The following KPNA3 variants were observed in gnomAD, a reference collection of about 807,000 sequenced individuals.
KPNA3 encodes importin subunit alpha-4.
A neutral mutation model predicts 73.8 loss-of-function variants in KPNA3; 13 were observed. That is an observed-to-expected ratio of 0.18 (90% CI 0.11 to 0.28). The LOEUF (loss-of-function observed/expected upper bound fraction) is 0.28, where lower values mean the gene tolerates loss of function less well. KPNA3 is among the 10% of genes least tolerant of loss of function. The probability of loss-of-function intolerance (pLI) is 1.00; values close to 1 mark genes in which losing one functional copy is unlikely to be tolerated. For synonymous variants in KPNA3, 186 were observed against 206.9 expected (o/e 0.90, Z 0.87); for missense variants, 360 against 618.1 (o/e 0.58, Z 4.43).
chr13:49,780,512 G>GAC (rs1276900547), intron 1 of KPNA3, among the ~76,000 whole-genome samples: 1 of 151,958 alleles, frequency 6.6e-6, no homozygotes, highest in African/African-American at 2.4e-5. Flanking sequence ...CCCCATCTGA[G>GAC]ACCTTGAGGG....
At chr13:49,790,215 C>T (rs970920504) in intron 1 of KPNA3, among the ~76,000 whole-genome samples, 2 of 152,248 alleles carry the variant, frequency 1.3e-5, no homozygotes, top group South Asian at 4.1e-4. Context: ...ATCTGTAGTT[C>T]GAACACTTTG....
At chr13:49,702,639 G>A (rs964793456) in intron 15 of KPNA3, among the ~76,000 whole-genome samples, 159 bp from the exon 16 acceptor site, 1 of 152,070 alleles carries the variant, frequency 6.6e-6, no homozygotes, top group Non-Finnish European at 1.5e-5. Flanking sequence ...AAAACACGGG[G>A]CTGCTTCTAG....
chr13:49,712,656 T>A (rs1174591092), intron 10 of KPNA3, among the ~76,000 whole-genome samples: 1 of 151,694 alleles, frequency 6.6e-6, no homozygotes, highest in Admixed American at 6.6e-5. Context: ...AAGTCTAGAA[T>A]CAGATTAAAA....
At chr13:49,764,975 CTTCA>C (rs1037934763) in intron 1 of KPNA3, among the ~76,000 whole-genome samples, 1 of 152,178 alleles carries the variant, frequency 6.6e-6, no homozygotes, top group Non-Finnish European at 1.5e-5. Flanking sequence ...CGGGAGAACA[CTTCA>C]TTCATTCTCA....
intron 1 of KPNA3, among the ~76,000 whole-genome samples, chr13:49,777,963 C>A (rs771787563): frequency 6.6e-6 from 1 of 152,138 alleles, no homozygotes; most frequent in Non-Finnish European, 1.5e-5. Flanking sequence ...CATTAACCCA[C>A]ATCAACCTGC....
At chr13:49,732,333 C>G in intron 6 of KPNA3, 38 bp downstream of exon 6, 2 of 1,071,180 alleles carry the variant, frequency 1.9e-6, no homozygotes, top group South Asian at 3.1e-5. Flanking sequence ...TTTAAGTTAA[C>G]TGAAAAAAAC....
intron 6 of KPNA3, among the ~76,000 whole-genome samples, chr13:49,730,909 TG>T (rs1382212146): frequency 5.9e-5 from 9 of 151,638 alleles, no homozygotes; most frequent in Admixed American, 1.3e-4. Flanking sequence ...CCCAAGTAGC[TG>T]GGACTACATG....
At chr13:49,773,682 G>A (rs1488573710) in intron 1 of KPNA3, among the ~76,000 whole-genome samples, 1 of 152,176 alleles carries the variant, frequency 6.6e-6, no homozygotes, top group Non-Finnish European at 1.5e-5. Context: ...TTAGGACTAA[G>A]TGGTGAGCAG....
intron 2 of KPNA3, among the ~76,000 whole-genome samples, chr13:49,742,254 T>C (rs1306036737): frequency 6.6e-6 from 1 of 152,230 alleles, no homozygotes; most frequent in Non-Finnish European, 1.5e-5. Context: ...AGAGCATATC[T>C]TTTCAAATAT....
At chr13:49,738,601 T>G (rs1566345806) in intron 2 of KPNA3, among the ~76,000 whole-genome samples, 1 of 152,230 alleles carries the variant, frequency 6.6e-6, no homozygotes, top group Non-Finnish European at 1.5e-5. Flanking sequence ...GTATTTTATT[T>G]TCTTTGAATT....
intron 1 of KPNA3, among the ~76,000 whole-genome samples, chr13:49,789,891 C>T (rs948653428): frequency 6.6e-6 from 1 of 152,160 alleles, no homozygotes; most frequent in Non-Finnish European, 1.5e-5. Flanking sequence ...CAGCTCACTC[C>T]CATTCATCCA....
intron 1 of KPNA3, among the ~76,000 whole-genome samples, chr13:49,747,401 T>C (rs570035048): frequency 1.0e-3 from 153 of 150,352 alleles, no homozygotes; most frequent in Middle Eastern, 3.7e-3. Flanking sequence ...TAGAAGTCAT[T>C]TAATATTGGC....
intron 1 of KPNA3, among the ~76,000 whole-genome samples, chr13:49,754,603 T>C (rs1288097174): frequency 2.0e-5 from 2 of 99,920 alleles, no homozygotes; most frequent in Admixed American, 2.5e-4. Context: ...AGAAAATTAA[T>C]GAAAAGCTAG....
chr13:49,759,983 T>C (rs1363144684), intron 1 of KPNA3, among the ~76,000 whole-genome samples: 1 of 152,202 alleles, frequency 6.6e-6, no homozygotes, highest in Non-Finnish European at 1.5e-5. Context: ...ACTACGTGCC[T>C]TTCTGATGGA....
At chr13:49,779,560 T>G (rs559811884) in intron 1 of KPNA3, among the ~76,000 whole-genome samples, 1 of 152,326 alleles carries the variant, frequency 6.6e-6, no homozygotes, top group African/African-American at 2.4e-5. Context: ...CTCAGTCGTT[T>G]GTTCCTTTTC....
intron 1 of KPNA3, among the ~76,000 whole-genome samples, chr13:49,765,434 C>T (rs893572129): frequency 1.3e-5 from 2 of 152,088 alleles, no homozygotes; most frequent in Non-Finnish European, 2.9e-5. Context: ...CAACAATTCA[C>T]CTAAAGTATA....
In KPNA3 at chr13:49,792,593, G is replaced by C; in HGVS notation, c.-87C>G. The C allele has an allele frequency of 2.9e-6, 1 of 349,018 alleles. No homozygotes were observed. The highest frequency in any genetic ancestry group is 5.0e-6 in the Non-Finnish European group (1 of 200,388). The allele number at this position is 349,018 out of a possible 1,614,324, so 21.6% of individuals were successfully genotyped here. ...TGGAGCGGGAGGGGGAGGAGGGGGA[G>C]AGCGGGAGGGGGGAGGGGAGAGAAG... On this transcript the variant is annotated 5_prime_UTR_variant, in exon 1 of 17. Coordinates refer to ENST00000261667, the MANE Select transcript of KPNA3 (RefSeq NM_002267.4).
intron 1 of KPNA3, among the ~76,000 whole-genome samples, chr13:49,775,162 CAAAAAAAAAA>C (rs60494803): frequency 3.2e-5 from 3 of 93,062 alleles, no homozygotes; most frequent in East Asian, 6.9e-4. Flanking sequence ...GACTCTGTCT[CAAAAAAAAAA>C]AAAAAAAAAA....
chr13:49,722,533 C>A lies in KPNA3; in HGVS notation c.500G>T (p.Arg167Leu), dbSNP rs1471595203. 1 of 1,609,528 alleles carries A rather than the reference C, an allele frequency of 6.2e-7. No individual in the cohort carries two copies. Among genetic ancestry groups the A allele is most frequent in the African/African-American group, 1.3e-5 (1 of 74,714 alleles). ...TTCACAAACATTCTGATGTGGTGAA[C>A]GAAGAAGTCTCAGAAAAAGAGGTAC... ...NAVPLFLRLL[R>L]SPHQNVCEQA... Residue 167 changes from arginine (R) to leucine (L), a missense_variant, in exon 8 of 17, where the codon CGT (arginine) becomes CTT (leucine). Around this residue, in one of 3 missense-constraint regions of KPNA3, gnomAD observed 287 missense variants for 549.1 expected, o/e 0.52. Transcript: ENST00000261667.
Sources: gnomAD v4.1 joint callset for allele counts (sites outside exome capture counted in the v4.1 genomes callset) on GRCh38, gnomAD v4.1.1 for gene constraint, gnomAD v4.1.1 regional missense constraint, MANE v1.5 for transcripts, NCBI Gene and HGNC (gene_info 2026-07-23, HGNC 2026-07-21) for gene names.